ST8SIA4: variants seen among roughly 807,000 people sequenced by gnomAD.
ST8SIA4 encodes the protein ST8 alpha-N-acetyl-neuraminide alpha-2,8-sialyltransferase 4.
In ST8SIA4, 15 loss-of-function variants were observed where a neutral mutation model predicts 33.9. The observed-to-expected ratio is 0.44, with a 90% CI of 0.30 to 0.68. The LOEUF (loss-of-function observed/expected upper bound fraction) is 0.68. ST8SIA4 is among the 30% of genes least tolerant of loss of function. The pLI, the probability that ST8SIA4 is intolerant of heterozygous loss-of-function variation, is 0.10. For missense variants in ST8SIA4, 321 were observed against 428.0 expected, an observed-to-expected ratio of 0.75 and a Z score of 2.21; for synonymous variants, 171 against 151.2, an observed-to-expected ratio of 1.13 and a Z score of -0.96.
At chr5:100,899,276 A>G (rs1416324091) in intron 1 of ST8SIA4, among the ~76,000 whole-genome samples, 1 of 152,226 alleles carries the variant, frequency 6.6e-6, no homozygotes, top group Admixed American at 6.5e-5. Context: ...TTGTATTTTC[A>G]TTACCTAAGT....
chr5:100,866,614 AT>A (rs1752067371), intron 3 of ST8SIA4, among the ~76,000 whole-genome samples: 2 of 148,972 alleles, frequency 1.3e-5, no homozygotes, highest in Non-Finnish European at 3.0e-5. Flanking sequence ...ACACACACAA[AT>A]ACATATTATA....
intron 3 of ST8SIA4, among the ~76,000 whole-genome samples, chr5:100,856,946 G>A (rs1751827945): frequency 6.6e-6 from 1 of 152,128 alleles, no homozygotes; most frequent in Admixed American, 6.6e-5. Flanking sequence ...ATTTACAATT[G>A]CTTTCTATAG....
At chr5:100,828,385 A>T (rs1371840517) in intron 4 of ST8SIA4, among the ~76,000 whole-genome samples, 1 of 152,110 alleles carries the variant, frequency 6.6e-6, no homozygotes, top group Non-Finnish European at 1.5e-5. Flanking sequence ...ACTTTCCGGT[A>T]CTCCTTAGGG....
chr5:100,845,416 T>G (rs917759881), intron 4 of ST8SIA4, among the ~76,000 whole-genome samples: 10 of 151,536 alleles, frequency 6.6e-5, no homozygotes, highest in African/African-American at 2.2e-4. Context: ...TATTTTACTA[T>G]ATATAAGAAA....
chr5:100,836,950 T>C (rs1294832603), intron 4 of ST8SIA4, among the ~76,000 whole-genome samples: 2 of 151,144 alleles, frequency 1.3e-5, no homozygotes, highest in African/African-American at 4.9e-5. Context: ...ACTTTACACA[T>C]AGGAACTCTA....
In ST8SIA4 at chr5:100,903,180, G is replaced by A; in HGVS notation, c.-225C>T. 2 of 553,548 alleles carry A rather than the reference G, an allele frequency of 3.6e-6. No individual in the cohort carries two copies. Among genetic ancestry groups the A allele is most frequent in the Non-Finnish European group, 3.2e-6 (1 of 312,212 alleles). 34.3% of individuals were successfully genotyped at this position (553,548 alleles called of 1,614,324 possible). ...CGCCCTGTTTGCGCCAGCTCTGCCA[G>A]GGTCGCTCCGCGCCGCCTCCCTGGG... On this transcript the variant is annotated 5_prime_UTR_variant, in exon 1 of 5. Coordinates refer to ENST00000231461, the MANE Select transcript of ST8SIA4 (RefSeq NM_005668.6).
At chr5:100,864,346 G>T (rs952707020) in intron 3 of ST8SIA4, among the ~76,000 whole-genome samples, 2 of 151,930 alleles carry the variant, frequency 1.3e-5, no homozygotes, top group African/African-American at 2.4e-5. Context: ...AGGCCGAGGT[G>T]GCTGGATCAC....
intron 4 of ST8SIA4, among the ~76,000 whole-genome samples, chr5:100,832,838 T>A (rs1221377989): frequency 2.6e-5 from 4 of 152,134 alleles, no homozygotes; most frequent in Non-Finnish European, 5.9e-5. Context: ...CCTCTTTCCC[T>A]CTATGTGTCA....
At chr5:100,891,552 A>G (rs1466534805) in intron 2 of ST8SIA4, among the ~76,000 whole-genome samples, 1 of 152,058 alleles carries the variant, frequency 6.6e-6, no homozygotes, top group African/African-American at 2.4e-5. Flanking sequence ...AATCTTAAAC[A>G]CAACAAATGA....
At chr5:100,882,912 T>C (rs1752456033) in intron 3 of ST8SIA4, among the ~76,000 whole-genome samples, 1 of 152,254 alleles carries the variant, frequency 6.6e-6, no homozygotes, top group African/African-American at 2.4e-5. Context: ...AGGCAGAAGT[T>C]CGCTGCAGGG....
chr5:100,810,779 T>A lies in ST8SIA4; in HGVS notation c.*1068A>T, dbSNP rs973775281. On this transcript the variant is annotated 3_prime_UTR_variant, in exon 5 of 5. Transcript: ENST00000231461. Reference sequence around the variant, plus strand: ...CCATCTCTGATGACATGGAACATCTTTCCTTTAGAATGGCCTAATATTACA... The same window carrying A: ...CCATCTCTGATGACATGGAACATCTATCCTTTAGAATGGCCTAATATTACA... The A allele has an allele frequency of 1.3e-5, 2 of 152,628 alleles. No homozygotes were observed. The highest frequency in any genetic ancestry group is 4.8e-5 in the African/African-American group (2 of 41,454). The allele number at this position is 152,628 out of a possible 1,614,324, so 9.5% of individuals were successfully genotyped here.
intron 4 of ST8SIA4, among the ~76,000 whole-genome samples, chr5:100,838,800 T>C (rs932136032): frequency 2.0e-5 from 3 of 152,044 alleles, no homozygotes; most frequent in South Asian, 4.1e-4. Flanking sequence ...TCTTTTGCTA[T>C]AGCTTCATGA....
Position 100,808,262 on chromosome 5 carries a change from T to A in ST8SIA4, c.*3585A>T, listed in dbSNP as rs925160325. The A allele has an allele frequency of 1.3e-5, 2 of 152,642 alleles. No homozygotes were observed. The highest frequency in any genetic ancestry group is 1.3e-4 in the Admixed American group (2 of 15,286). The allele number at this position is 152,642 out of a possible 1,614,324, so 9.5% of individuals were successfully genotyped here. A position where few individuals can be genotyped will look rare whatever the true frequency, so the allele number is the denominator to read the frequency against. The stretch of plus-strand genomic sequence containing the variant: ...TAAATAAATTGCTTTTGTAAGCATA[T>A]ATGTAGAAATTCCCATTAGTAATTG... On this transcript the variant is annotated 3_prime_UTR_variant, in exon 5 of 5. Transcript: ENST00000231461.
chr5:100,830,785 T>A (rs755582638), intron 4 of ST8SIA4, among the ~76,000 whole-genome samples: 21 of 152,204 alleles, frequency 1.4e-4, no homozygotes, highest in Admixed American at 3.3e-4. Flanking sequence ...AATGTACAAA[T>A]ATGCAAGAAA....
rs763456604 is a variant in ST8SIA4, at chr5:100,856,408, A to G, written c.504-12T>C. The G allele has an allele frequency of 6.3e-6, 10 of 1,594,742 alleles. No individual in the cohort carries two copies. The highest frequency in any genetic ancestry group is 8.5e-6 in the Non-Finnish European group (10 of 1,170,090). ...GAGCTAGATTACACCTGAAGAGGAA[A>G]AAATTAATGGGACAAATGAAAAAAA... On this transcript the variant is annotated splice_polypyrimidine_tract_variant and intron_variant, in intron 3 of 4. Coordinates refer to ENST00000231461, the MANE Select transcript of ST8SIA4 (RefSeq NM_005668.6).
chr5:100,862,817 T>C (rs574181232), intron 3 of ST8SIA4, among the ~76,000 whole-genome samples: 2 of 152,306 alleles, frequency 1.3e-5, no homozygotes, highest in East Asian at 3.9e-4. Flanking sequence ...TGTTTTCCAA[T>C]GATAAGGAAA....
intron 3 of ST8SIA4, among the ~76,000 whole-genome samples, chr5:100,874,552 T>C (rs946546480): frequency 1.3e-5 from 2 of 151,900 alleles, no homozygotes; most frequent in Non-Finnish European, 2.9e-5. Context: ...CCCCTCTCTA[T>C]ATTTCTCTGC....
At chr5:100,884,959 C>G (rs1486599424) in intron 3 of ST8SIA4, among the ~76,000 whole-genome samples, 1 of 147,770 alleles carries the variant, frequency 6.8e-6, no homozygotes, top group East Asian at 1.9e-4. Context: ...TTCCCTATTG[C>G]GATTGTTGAA....
chr5:100,820,610 G>A (rs909034380), intron 4 of ST8SIA4, among the ~76,000 whole-genome samples: 2 of 151,994 alleles, frequency 1.3e-5, no homozygotes, highest in Non-Finnish European at 2.9e-5. Context: ...GAAGTCACAG[G>A]AAAATGGAAT....
Sources: allele counts gnomAD v4.1 joint callset (sites outside exome capture counted in the v4.1 genomes callset), GRCh38; gene constraint gnomAD v4.1.1; transcripts MANE v1.5; gene names NCBI Gene and HGNC (gene_info 2026-07-23, HGNC 2026-07-21).